Variants in SLC8A1 observed in about 807,000 individuals in gnomAD.
The protein encoded by SLC8A1 is sodium/calcium exchanger 1.
Under a neutral mutation model 68.3 loss-of-function variants are expected in SLC8A1, and 18 were observed. The observed-to-expected ratio is 0.26, with a 90% CI of 0.18 to 0.39. SLC8A1 has a LOEUF of 0.39. Among genes scored for constraint, SLC8A1 ranks in the 10% least tolerant of loss-of-function variants. SLC8A1 has a pLI of 1.00. For missense variants in SLC8A1, 985 were observed against 1,156.7 expected (o/e 0.85, Z 2.15); for synonymous variants, 475 against 415.5 (o/e 1.14, Z -1.74).
chr2:40,333,719 C>A (rs1039553568), intron 2 of SLC8A1, among the ~76,000 whole-genome samples: 1 of 152,026 alleles, frequency 6.6e-6, no homozygotes, highest in Non-Finnish European at 1.5e-5. Context: ...CATCACTTGT[C>A]CCCTATTAGT....
intron 2 of SLC8A1, among the ~76,000 whole-genome samples, chr2:40,318,786 T>G (rs1314719133): frequency 6.6e-6 from 1 of 152,148 alleles, no homozygotes; most frequent in Non-Finnish European, 1.5e-5. Context: ...CACAAGGCTC[T>G]ATCAGACGAA....
chr2:40,387,533 C>T (rs1332896302), intron 2 of SLC8A1, among the ~76,000 whole-genome samples: 1 of 151,258 alleles, frequency 6.6e-6, no homozygotes, highest in African/African-American at 2.5e-5. Context: ...GCATTGTTCT[C>T]ACTGTTATTT....
intron 2 of SLC8A1, among the ~76,000 whole-genome samples, chr2:40,381,967 T>G (rs1681960061): frequency 1.3e-5 from 2 of 152,014 alleles, no homozygotes; most frequent in Non-Finnish European, 2.9e-5. Context: ...GGAGGATGGA[T>G]TTGAGACTGA....
intron 2 of SLC8A1, among the ~76,000 whole-genome samples, chr2:40,274,762 C>T (rs552374135): frequency 6.6e-6 from 1 of 152,140 alleles, no homozygotes; most frequent in Admixed American, 6.5e-5. Flanking sequence ...AGAGAAAGAA[C>T]AGTAAACATT....
chr2:40,103,021 CG>C (rs1224776695), exon 8 of SLC8A1: 1 of 152,074 alleles, frequency 6.6e-6, no homozygotes, highest in Non-Finnish European at 1.5e-5. Flanking sequence ...ATCATTTTAT[CG>C]GTTGCAATGT....
At chr2:40,404,303 T>C (rs566551379) in intron 2 of SLC8A1, among the ~76,000 whole-genome samples, 2 of 152,332 alleles carry the variant, frequency 1.3e-5, no homozygotes, top group Non-Finnish European at 1.5e-5. Context: ...TGTATGCCTA[T>C]GATGGTCAAA....
At chr2:40,185,363 A>T (rs1444167904) in intron 2 of SLC8A1, among the ~76,000 whole-genome samples, 3 of 152,232 alleles carry the variant, frequency 2.0e-5, no homozygotes. Flanking sequence ...TGATAAATGG[A>T]TAAATAATAT....
intron 6 of SLC8A1, among the ~76,000 whole-genome samples, chr2:40,147,046 C>T (rs2042601635): frequency 1.3e-5 from 2 of 152,222 alleles, no homozygotes; most frequent in Admixed American, 1.3e-4. Context: ...CCATTATGGT[C>T]TTTGTTGGGG....
upstream of SLC8A1, among the ~76,000 whole-genome samples, chr2:40,456,035 G>A (rs940424148): frequency 6.6e-6 from 1 of 152,052 alleles, no homozygotes; most frequent in Non-Finnish European, 1.5e-5. Flanking sequence ...ATTGGGTTTG[G>A]GCTGGGCGCG....
chr2:40,200,173 G>GAGATATATATAT (rs1553407546), intron 2 of SLC8A1, among the ~76,000 whole-genome samples: 8 of 4,754 alleles, frequency 1.7e-3, no homozygotes, highest in South Asian at 0.01. Flanking sequence ...TCAAGTCATT[G>GAGATATATATAT]ATATATATAT....
intron 1 of SLC8A1, among the ~76,000 whole-genome samples, chr2:40,467,129 G>A (rs1160042469): frequency 6.6e-6 from 1 of 152,070 alleles, no homozygotes; most frequent in Non-Finnish European, 1.5e-5. Context: ...AAGGCTGGCT[G>A]GAGGCTAAGC....
At chr2:40,430,049 C>A in exon 2 of SLC8A1, 1 of 1,613,868 alleles carries the variant, frequency 6.2e-7, no homozygotes, top group South Asian at 1.1e-5. Context: ...TACACAGTAG[C>A]TCTAGCAATT....
At position 40,490,374 on chromosome 2, in the gene SLC8A1, T is replaced by A. The variant is rs1337070095; in HGVS notation, c.-25+21975A>T. On this transcript the variant is annotated intron_variant, in intron 1 of 7. Coordinates refer to the SLC8A1 transcript ENST00000402441. ...ATAATTTTGTCATATAGCTTTCAGA[T>A]CACTTAGTCCTCATTTCACAGGCTA... Among the ~76,000 whole-genome samples the A allele has an allele frequency of 5.9e-5, 9 of 152,234 alleles. No individual in the cohort carries two copies. The East Asian group carries it at 1.4e-3, about 23-fold the overall frequency.
intron 2 of SLC8A1, among the ~76,000 whole-genome samples, chr2:40,360,535 T>C (rs1354285644): frequency 6.6e-6 from 1 of 152,202 alleles, no homozygotes; most frequent in Non-Finnish European, 1.5e-5. Flanking sequence ...CAGCCTGTTC[T>C]AAGCACTTTG....
At chr2:40,290,351 A>C (rs1013982137) in intron 2 of SLC8A1, among the ~76,000 whole-genome samples, 2 of 152,104 alleles carry the variant, frequency 1.3e-5, no homozygotes, top group African/African-American at 4.8e-5. Context: ...CATATATAGC[A>C]CTGATTCTCA....
intron 6 of SLC8A1, among the ~76,000 whole-genome samples, chr2:40,139,882 A>C (rs1368574915): frequency 6.6e-6 from 1 of 152,172 alleles, no homozygotes; most frequent in African/African-American, 2.4e-5. Flanking sequence ...CCTGTGGCTC[A>C]TTGGTCAATG....
chr2:40,450,368 G>C (rs1373949213), intron 1 of SLC8A1, among the ~76,000 whole-genome samples: 2 of 152,022 alleles, frequency 1.3e-5, no homozygotes, highest in African/African-American at 4.8e-5. Flanking sequence ...GTGTGTGTGT[G>C]TGCACGCGCG....
chr2:40,402,048 C>T (rs1457642021), intron 2 of SLC8A1, among the ~76,000 whole-genome samples: 1 of 152,194 alleles, frequency 6.6e-6, no homozygotes, highest in African/African-American at 2.4e-5. Flanking sequence ...TACAGAGCTG[C>T]ATTCTCAAGT....
rs578256924 is a variant in SLC8A1, at chr2:40,440,790, G to A, written c.-24-10486C>T. Among the ~76,000 whole-genome samples the A allele has an allele frequency of 5.3e-5, 8 of 152,222 alleles. No homozygotes were observed. The East Asian group carries it at 9.7e-4, about 18-fold the overall frequency. On this transcript the variant is annotated intron_variant, in intron 1 of 7. Transcript: ENST00000406785. ...TTGATGGGACATCTCAAAATAATAA[G>A]AGCTACTTATGGCAAGCCAATAGCC...
Sources: allele counts gnomAD v4.1 joint callset (sites outside exome capture counted in the v4.1 genomes callset), GRCh38; gene constraint gnomAD v4.1.1; transcripts MANE v1.5; gene names NCBI Gene and HGNC (gene_info 2026-07-23, HGNC 2026-07-21).